CTNNBL1: variants seen among roughly 807,000 people sequenced by gnomAD.
The protein encoded by CTNNBL1 is beta-catenin-like protein 1.
CTNNBL1 carries 31 observed loss-of-function variants against 72.7 expected under a neutral mutation model. That is an observed-to-expected ratio of 0.43 (90% CI 0.32 to 0.58). CTNNBL1 has a LOEUF of 0.58. Ranked by LOEUF, CTNNBL1 falls within the 20% of genes least tolerant of loss-of-function variation. The probability of loss-of-function intolerance (pLI) is 0.08; values close to 1 mark genes in which losing one functional copy is unlikely to be tolerated. For missense variants in CTNNBL1, 534 were observed against 725.1 expected, an observed-to-expected ratio of 0.74 and a Z score of 3.03; for synonymous variants, 240 against 267.3, an observed-to-expected ratio of 0.90 and a Z score of 1.00.
At chr20:37,829,519 C>T (rs983812255) in intron 11 of CTNNBL1, among the ~76,000 whole-genome samples, 1 of 152,198 alleles carries the variant, frequency 6.6e-6, no homozygotes, top group Admixed American at 6.5e-5. Flanking sequence ...GTCCAACGTT[C>T]ATATTTATCT....
At chr20:37,741,908 A>G (rs1354810280) in intron 3 of CTNNBL1, among the ~76,000 whole-genome samples, 1 of 152,096 alleles carries the variant, frequency 6.6e-6, no homozygotes, top group Non-Finnish European at 1.5e-5. Flanking sequence ...GCACTGGGTT[A>G]AGACCATATT....
chr20:37,830,322 A>G (rs774966557), intron 11 of CTNNBL1, among the ~76,000 whole-genome samples: 1 of 152,188 alleles, frequency 6.6e-6, no homozygotes. Flanking sequence ...TAGGATTCTT[A>G]TACCTATTTT....
intron 13 of CTNNBL1, among the ~76,000 whole-genome samples, chr20:37,856,333 G>A (rs2072440723): frequency 6.6e-6 from 1 of 152,144 alleles, no homozygotes; most frequent in African/African-American, 2.4e-5. Context: ...TGAATGGCTA[G>A]TTCAAGGCAG....
Position 37,860,012 on chromosome 20 carries a change from G to T in CTNNBL1, c.1506G>T (p.Glu502Asp). 2 of 1,614,208 alleles carry T rather than the reference G, an allele frequency of 1.2e-6. No homozygotes were observed. The highest frequency in any genetic ancestry group is 4.5e-5 in the East Asian group (2 of 44,886). ...AGCACATCTGCTACATCATGGCCGA[G>T]ATCTGCAATGCCAATGTCCCCCAGG... ...VLQHICYIMA[E>D]ICNANVPQIR... The change falls in exon 14 of 16, where the codon GAG becomes GAT. Residue 502 changes from glutamate to aspartate, a missense_variant. Coordinates refer to ENST00000361383, the MANE Select transcript of CTNNBL1 (RefSeq NM_030877.5).
intron 12 of CTNNBL1, among the ~76,000 whole-genome samples, chr20:37,841,020 T>C (rs1298681900): frequency 1.3e-5 from 2 of 152,232 alleles, no homozygotes; most frequent in Non-Finnish European, 2.9e-5. Flanking sequence ...TGCCAGACGA[T>C]AGGATTTTTA....
chr20:37,742,092 A>G (rs1019338586), intron 3 of CTNNBL1, among the ~76,000 whole-genome samples: 11 of 152,072 alleles, frequency 7.2e-5, no homozygotes, highest in African/African-American at 2.7e-4. Context: ...TAAAATTTCA[A>G]CTCAGAATGA....
chr20:37,702,903 C>T (rs545389978), intron 1 of CTNNBL1, among the ~76,000 whole-genome samples: 12 of 152,274 alleles, frequency 7.9e-5, no homozygotes, highest in Non-Finnish European at 1.3e-4. Context: ...TGTATATGCC[C>T]TGGTTGTTTC....
chr20:37,794,986 C>CT (rs1964669449), intron 10 of CTNNBL1, among the ~76,000 whole-genome samples: 2 of 151,810 alleles, frequency 1.3e-5, no homozygotes, highest in African/African-American at 2.4e-5. Flanking sequence ...TAATTTGTCC[C>CT]TTTTTTCTGG....
At chr20:37,713,971 A>G (rs756101290) in intron 1 of CTNNBL1, among the ~76,000 whole-genome samples, 3 of 152,094 alleles carry the variant, frequency 2.0e-5, no homozygotes, top group Non-Finnish European at 4.4e-5. Flanking sequence ...GCAGATGAGG[A>G]AAGGAAGCTC....
chr20:37,696,197 T>C (rs1600425854), intron 1 of CTNNBL1, among the ~76,000 whole-genome samples: 3 of 152,216 alleles, frequency 2.0e-5, no homozygotes, highest in East Asian at 3.8e-4. Context: ...CTTGCTTTTG[T>C]GGAGCATCTG....
At chr20:37,813,974 T>G (rs1275731417) in intron 11 of CTNNBL1, among the ~76,000 whole-genome samples, 1 of 152,202 alleles carries the variant, frequency 6.6e-6, no homozygotes, top group Non-Finnish European at 1.5e-5. Flanking sequence ...CTTTGTCCGC[T>G]AATAGGCTTT....
chr20:37,827,724 G>A (rs116573395), intron 11 of CTNNBL1, among the ~76,000 whole-genome samples: 29 of 152,298 alleles, frequency 1.9e-4, no homozygotes, highest in African/African-American at 6.5e-4. Flanking sequence ...CTGGATCTGA[G>A]CCTGCTTCTC....
At chr20:37,810,748 G>A (rs1397353537) in intron 11 of CTNNBL1, among the ~76,000 whole-genome samples, 1 of 152,216 alleles carries the variant, frequency 6.6e-6, no homozygotes, top group Non-Finnish European at 1.5e-5. Context: ...TGGCAGAGGG[G>A]ACAGTGGGCA....
At chr20:37,855,518 G>A (rs536441535) in intron 13 of CTNNBL1, among the ~76,000 whole-genome samples, 1 of 152,178 alleles carries the variant, frequency 6.6e-6, no homozygotes, top group Non-Finnish European at 1.5e-5. Flanking sequence ...AGCTGTTCAA[G>A]ACATCTCTGT....
chr20:37,743,008 T>G (rs1482365514), intron 3 of CTNNBL1, among the ~76,000 whole-genome samples: 2 of 152,098 alleles, frequency 1.3e-5, no homozygotes, highest in African/African-American at 4.8e-5. Flanking sequence ...TTCACTCTGT[T>G]GGCCAGGCAG....
intron 13 of CTNNBL1, among the ~76,000 whole-genome samples, chr20:37,852,697 G>A (rs6067889): frequency 0.82 from 124,140 of 152,130 alleles, 50,704 homozygotes; most frequent in Middle Eastern, 0.89. Context: ...AGTCAGGGTG[G>A]GCATTGCTAG....
At chr20:37,704,544 G>C (rs557244193) in intron 1 of CTNNBL1, among the ~76,000 whole-genome samples, 1 of 151,238 alleles carries the variant, frequency 6.6e-6, no homozygotes. Flanking sequence ...GTGAGACATC[G>C]TCTCAAAAAA....
intron 5 of CTNNBL1, among the ~76,000 whole-genome samples, chr20:37,761,548 ATTCATTTG>A (rs2073417726): frequency 2.0e-5 from 3 of 152,224 alleles, no homozygotes; most frequent in East Asian, 1.9e-4. Flanking sequence ...CCAAAGCAAA[ATTCATTTG>A]TTCATTTGTT....
At chr20:37,805,072 C>T (rs1430136339) in intron 11 of CTNNBL1, among the ~76,000 whole-genome samples, 5 of 152,368 alleles carry the variant, frequency 3.3e-5, no homozygotes, top group African/African-American at 9.6e-5. Flanking sequence ...TCCTACAAAC[C>T]GGCCTTCGGC....
Sources: gnomAD v4.1 joint callset for allele counts (sites outside exome capture counted in the v4.1 genomes callset) on GRCh38, gnomAD v4.1.1 for gene constraint, MANE v1.5 for transcripts, NCBI Gene and HGNC (gene_info 2026-07-23, HGNC 2026-07-21) for gene names.